Variants in RBKS observed in about 807,000 individuals in gnomAD.
RBKS encodes the protein ribokinase.
In RBKS, 33 loss-of-function variants were observed where a neutral mutation model predicts 33.9. The ratio of observed to expected loss-of-function variants is 0.97; its 90% confidence interval spans 0.74 to 1.30. The LOEUF is 1.30. RBKS is among the 50% of genes most tolerant of loss of function. RBKS has a pLI of 0.00. For synonymous variants in RBKS, 125 were observed against 143.0 expected (o/e 0.87, Z 0.90); for missense variants, 361 against 392.6 (o/e 0.92, Z 0.68).
intron 6 of RBKS, among the ~76,000 whole-genome samples, chr2:27,832,120 A>G (rs1012675310): frequency 2.7e-5 from 4 of 149,970 alleles, no homozygotes; most frequent in Admixed American, 2.6e-4. Context: ...TTATTGTACC[A>G]GTTGATAGAT....
chr2:27,826,278 G>A (rs1678309823), intron 7 of RBKS, among the ~76,000 whole-genome samples: 1 of 151,972 alleles, frequency 6.6e-6, no homozygotes, highest in Non-Finnish European at 1.5e-5. Context: ...TCGCTTCTAA[G>A]CATAAAAACA....
intron 7 of RBKS, among the ~76,000 whole-genome samples, chr2:27,814,430 G>GA (rs1558539613): frequency 6.6e-6 from 1 of 152,102 alleles, no homozygotes; most frequent in East Asian, 1.9e-4. Flanking sequence ...TTTGAAGGAA[G>GA]AAAGGATAAA....
chr2:27,874,542 G>C (rs1050826711), intron 1 of RBKS, among the ~76,000 whole-genome samples: 8 of 152,212 alleles, frequency 5.3e-5, no homozygotes, highest in Non-Finnish European at 1.2e-4. Context: ...CCACAGCAGA[G>C]AGACTGGATA....
chr2:27,873,691 A>G (rs1029569246), intron 1 of RBKS, among the ~76,000 whole-genome samples: 1 of 152,206 alleles, frequency 6.6e-6, no homozygotes, highest in African/African-American at 2.4e-5. Context: ...ATCCAGATGT[A>G]AAATATAATT....
chr2:27,877,625 TG>T (rs1284732818), intron 1 of RBKS, among the ~76,000 whole-genome samples: 2 of 152,190 alleles, frequency 1.3e-5, no homozygotes, highest in African/African-American at 4.8e-5. Flanking sequence ...TTCCATAAGA[TG>T]GGATTCTTTC....
At chr2:27,875,955 A>G (rs1380952017) in intron 1 of RBKS, among the ~76,000 whole-genome samples, 1 of 152,380 alleles carries the variant, frequency 6.6e-6, no homozygotes, top group African/African-American at 2.4e-5. Context: ...AACAAAAAAA[A>G]TAGGCTAAAC....
intron 1 of RBKS, among the ~76,000 whole-genome samples, chr2:27,884,567 T>G (rs1664489101): frequency 6.6e-6 from 1 of 152,144 alleles, no homozygotes; most frequent in African/African-American, 2.4e-5. Context: ...TTTTTTTAAG[T>G]AATCTAGGTC....
At chr2:27,870,861 T>G (rs1286123808) in intron 1 of RBKS, 4 of 461,436 alleles carry the variant, frequency 8.7e-6, no homozygotes, top group South Asian at 4.6e-5. Context: ...GCAACAAAAG[T>G]GCACATAACA....
chr2:27,807,205 C>T (rs1271666814), intron 7 of RBKS, among the ~76,000 whole-genome samples: 1 of 152,180 alleles, frequency 6.6e-6, no homozygotes, highest in Non-Finnish European at 1.5e-5. Context: ...AGAATTCTCA[C>T]AAGTGTACAG....
chr2:27,880,822 A>T (rs889822631), intron 1 of RBKS, among the ~76,000 whole-genome samples: 1 of 152,238 alleles, frequency 6.6e-6, no homozygotes, highest in East Asian at 1.9e-4. Context: ...AATCAATATC[A>T]TTAAAATGGC....
intron 7 of RBKS, among the ~76,000 whole-genome samples, chr2:27,789,849 C>G (rs1677473032): frequency 6.7e-6 from 1 of 149,530 alleles, no homozygotes; most frequent in Non-Finnish European, 1.5e-5. Flanking sequence ...AGGCGTGAAC[C>G]ACCATGCCTG....
At chr2:27,873,419 A>T (rs1664253923) in intron 1 of RBKS, among the ~76,000 whole-genome samples, 1 of 152,210 alleles carries the variant, frequency 6.6e-6, no homozygotes, top group Non-Finnish European at 1.5e-5. Context: ...GGCTTAAAAG[A>T]AACATTTTAG....
chr2:27,829,749 C>G (rs939931683), intron 6 of RBKS, among the ~76,000 whole-genome samples: 4 of 152,196 alleles, frequency 2.6e-5, no homozygotes, highest in Non-Finnish European at 5.9e-5. Flanking sequence ...ATAGGGAGTT[C>G]TTGCTCTGCT....
At chr2:27,803,403 A>C (rs1259107667) in intron 7 of RBKS, among the ~76,000 whole-genome samples, 1 of 152,120 alleles carries the variant, frequency 6.6e-6, no homozygotes, top group Admixed American at 6.6e-5. Flanking sequence ...TTGACATTTA[A>C]ATTTCAATTA....
At chr2:27,836,208 T>C (rs2148207460) in intron 5 of RBKS, among the ~76,000 whole-genome samples, 1 of 152,258 alleles carries the variant, frequency 6.6e-6, no homozygotes, top group East Asian at 1.9e-4. Context: ...AGTGAGATTC[T>C]GTCTCAAAAA....
chr2:27,838,638 A>T (rs1451726426), intron 5 of RBKS, among the ~76,000 whole-genome samples: 1 of 152,210 alleles, frequency 6.6e-6, no homozygotes, highest in East Asian at 1.9e-4. Context: ...AAATGAGCAT[A>T]CTCCACCATG....
chr2:27,886,113 AAGTG>A (rs1325627114), intron 1 of RBKS, among the ~76,000 whole-genome samples: 1 of 152,242 alleles, frequency 6.6e-6, no homozygotes, highest in East Asian at 1.9e-4. Flanking sequence ...AGAAAAATAT[AAGTG>A]AGTATTAAAT....
At chr2:27,815,214 C>T (rs184921935) in intron 7 of RBKS, among the ~76,000 whole-genome samples, 1 of 151,576 alleles carries the variant, frequency 6.6e-6, no homozygotes, top group Non-Finnish European at 1.5e-5. Context: ...GTTTTTTTTC[C>T]CCCCTCTTTT....
At chr2:27,803,943 T>C (rs1057235182) in intron 7 of RBKS, among the ~76,000 whole-genome samples, 2 of 151,996 alleles carry the variant, frequency 1.3e-5, no homozygotes, top group African/African-American at 4.8e-5. Flanking sequence ...CCCAGCTACT[T>C]GGGAGGCTGA....
Sources: allele counts gnomAD v4.1 joint callset (sites outside exome capture counted in the v4.1 genomes callset), GRCh38; gene constraint gnomAD v4.1.1; transcripts MANE v1.5; gene names NCBI Gene and HGNC (gene_info 2026-07-23, HGNC 2026-07-21).